ERBB4: variants seen among roughly 807,000 people sequenced by gnomAD.
The protein encoded by ERBB4 is erb-b2 receptor tyrosine kinase 4.
A neutral mutation model predicts 158.0 loss-of-function variants in ERBB4; 42 were observed. The ratio of observed to expected loss-of-function variants is 0.27; its 90% CI spans 0.21 to 0.34. ERBB4 has a LOEUF of 0.34. ERBB4 is among the 10% of genes least tolerant of loss of function. The pLI is 1.00. For missense variants in ERBB4, 1,333 were observed against 1,624.1 expected (o/e 0.82, Z 3.08); for synonymous variants, 583 against 558.7 (o/e 1.04, Z -0.61).
At chr2:211,539,991 G>A (rs928909916) in intron 20 of ERBB4, among the ~76,000 whole-genome samples, 4 of 151,734 alleles carry the variant, frequency 2.6e-5, no homozygotes, top group Non-Finnish European at 4.4e-5. Context: ...TTTATATGAT[G>A]CTTTCTTGTG....
At chr2:211,917,584 T>A (rs1051413001) in intron 3 of ERBB4, among the ~76,000 whole-genome samples, 3 of 152,202 alleles carry the variant, frequency 2.0e-5, no homozygotes, top group African/African-American at 7.2e-5. Flanking sequence ...CCTGCCTTTT[T>A]AACTACAATC....
intron 3 of ERBB4, among the ~76,000 whole-genome samples, chr2:211,935,775 T>C (rs1181801818): frequency 6.6e-6 from 1 of 152,158 alleles, no homozygotes; most frequent in Non-Finnish European, 1.5e-5. Context: ...CTATATCCTA[T>C]TGGTTCTGTC....
intron 1 of ERBB4, among the ~76,000 whole-genome samples, chr2:212,494,219 G>A (rs1221213620): frequency 6.6e-6 from 1 of 151,806 alleles, no homozygotes; most frequent in Non-Finnish European, 1.5e-5. Flanking sequence ...GTAAATCAAT[G>A]CCTTTGTGTA....
At chr2:212,538,394 G>T in intron 1 of ERBB4, 55 bp downstream of exon 1, 1 of 1,508,696 alleles carries the variant, frequency 6.6e-7, no homozygotes, top group Non-Finnish European at 9.2e-7. Flanking sequence ...AGCCACTCGA[G>T]GCAGCCCCGC....
At chr2:212,189,860 T>TA (rs1315333814) in intron 1 of ERBB4, among the ~76,000 whole-genome samples, 1 of 152,128 alleles carries the variant, frequency 6.6e-6, no homozygotes, top group Non-Finnish European at 1.5e-5. Context: ...TTCAAGGAGT[T>TA]AAAAAAATTA....
intron 3 of ERBB4, among the ~76,000 whole-genome samples, chr2:211,875,858 A>G (rs1426476600): frequency 6.6e-6 from 1 of 152,128 alleles, no homozygotes; most frequent in Non-Finnish European, 1.5e-5. Flanking sequence ...TTTTGTTACA[A>G]TTGCTTACAG....
intron 2 of ERBB4, among the ~76,000 whole-genome samples, chr2:212,118,981 C>A (rs2079657474): frequency 1.3e-5 from 2 of 151,804 alleles, no homozygotes; most frequent in Non-Finnish European, 2.9e-5. Flanking sequence ...TAAAAGGCAT[C>A]TTTATATATT....
intron 3 of ERBB4, among the ~76,000 whole-genome samples, chr2:211,840,977 CCTAAA>C (rs2077457421): frequency 6.6e-6 from 1 of 151,828 alleles, no homozygotes; most frequent in Non-Finnish European, 1.5e-5. Context: ...TTCTACATTC[CCTAAA>C]CTAATGGCAT....
At chr2:211,647,741 T>C (rs1328701734) in intron 16 of ERBB4, among the ~76,000 whole-genome samples, 1 of 151,778 alleles carries the variant, frequency 6.6e-6, no homozygotes, top group African/African-American at 2.4e-5. Flanking sequence ...TCCAATAGTT[T>C]TAGCCAGCCA....
intron 3 of ERBB4, among the ~76,000 whole-genome samples, chr2:211,895,490 C>T (rs1316897932): frequency 6.6e-6 from 1 of 152,066 alleles, no homozygotes; most frequent in African/African-American, 2.4e-5. Context: ...AATTCCTGGC[C>T]TCAAGCCATC....
At chr2:211,996,834 G>T (rs1449287933) in intron 2 of ERBB4, among the ~76,000 whole-genome samples, 1 of 152,144 alleles carries the variant, frequency 6.6e-6, no homozygotes, top group Non-Finnish European at 1.5e-5. Flanking sequence ...GGTCATACAC[G>T]TTTAATTTTA....
At chr2:211,835,507 AT>A (rs967457542) in intron 3 of ERBB4, among the ~76,000 whole-genome samples, 5 of 151,960 alleles carry the variant, frequency 3.3e-5, no homozygotes, top group South Asian at 2.1e-4. Flanking sequence ...TTCTTGATTA[AT>A]TTTTTTTATT....
At chr2:212,155,977 C>T (rs1461567479) in intron 1 of ERBB4, among the ~76,000 whole-genome samples, 1 of 152,046 alleles carries the variant, frequency 6.6e-6, no homozygotes, top group Non-Finnish European at 1.5e-5. Flanking sequence ...CCTTTGTAAT[C>T]TCATGCATTT....
intron 2 of ERBB4, among the ~76,000 whole-genome samples, chr2:212,006,271 CA>C (rs1340009778): frequency 4.6e-5 from 7 of 152,026 alleles, no homozygotes; most frequent in African/African-American, 1.4e-4. Context: ...AATAAACTTT[CA>C]GTGTATAAAA....
At chr2:211,816,062 C>T (rs1371100026) in intron 3 of ERBB4, among the ~76,000 whole-genome samples, 1 of 152,110 alleles carries the variant, frequency 6.6e-6, no homozygotes, top group Non-Finnish European at 1.5e-5. Flanking sequence ...ACCAGCTTCT[C>T]TCTTTCCCCA....
chr2:212,432,110 C>A (rs900960158), intron 1 of ERBB4, among the ~76,000 whole-genome samples: 1 of 152,110 alleles, frequency 6.6e-6, no homozygotes, highest in Non-Finnish European at 1.5e-5. Context: ...CATTTTGTAA[C>A]CCAGGTTGTC....
At chr2:212,297,728 A>G (rs1574626832) in intron 1 of ERBB4, among the ~76,000 whole-genome samples, 1 of 151,754 alleles carries the variant, frequency 6.6e-6, no homozygotes, top group East Asian at 1.9e-4. Context: ...GAAAACCTAG[A>G]AAGATGATGA....
chr2:211,397,937 G>GTGTT (rs957380737), intron 25 of ERBB4, among the ~76,000 whole-genome samples: 1 of 152,106 alleles, frequency 6.6e-6, no homozygotes, highest in African/African-American at 2.4e-5. Flanking sequence ...GGTCAAATTG[G>GTGTT]TGTTAGTAGA....
chr2:211,563,800 T>C (rs1574759053), intron 19 of ERBB4, among the ~76,000 whole-genome samples: 2 of 152,296 alleles, frequency 1.3e-5, no homozygotes, highest in South Asian at 4.1e-4. Context: ...TGTATACGTA[T>C]CTATGTTTTT....
Sources: gnomAD v4.1 joint callset for allele counts (sites outside exome capture counted in the v4.1 genomes callset) on GRCh38, gnomAD v4.1.1 for gene constraint, MANE v1.5 for transcripts, NCBI Gene and HGNC (gene_info 2026-07-23, HGNC 2026-07-21) for gene names.